Variants in MICAL3 observed in about 807,000 individuals in gnomAD.
The protein encoded by MICAL3 is [F-actin]-monooxygenase MICAL3.
MICAL3 carries 62 observed loss-of-function variants against 207.4 expected under a neutral mutation model. The ratio of observed to expected loss-of-function variants is 0.30; its 90% CI spans 0.24 to 0.37. The LOEUF (loss-of-function observed/expected upper bound fraction) is 0.37, where lower values mean the gene tolerates loss of function less well. Among genes scored for constraint, MICAL3 ranks in the 10% least tolerant of loss-of-function variants. The probability of loss-of-function intolerance (pLI) is 1.00; values close to 1 mark genes in which losing one functional copy is unlikely to be tolerated. For synonymous variants in MICAL3, 1,077 were observed against 1,069.3 expected, an observed-to-expected ratio of 1.01 and a Z score of -0.14; for missense variants, 2,368 against 2,635.6, an observed-to-expected ratio of 0.90 and a Z score of 2.22.
chr22:17,967,493 C>CA (rs745477366), intron 1 of MICAL3, among the ~76,000 whole-genome samples: 1,053 of 101,474 alleles, frequency 0.01, 11 homozygotes, highest in South Asian at 0.014. Context: ...CACACACACA[C>CA]CCACACACAC....
intron 29 of MICAL3, among the ~76,000 whole-genome samples, chr22:17,801,148 C>CTTT (rs978301664): frequency 2.2e-4 from 20 of 91,886 alleles, no homozygotes; most frequent in Non-Finnish European, 2.8e-4. Flanking sequence ...TTTCCTTTTT[C>CTTT]TTTTTTTTTT....
At chr22:17,876,767 G>A (rs1453672046) in intron 16 of MICAL3, 10 of 140,998 alleles carry the variant, frequency 7.1e-5, no homozygotes, top group African/African-American at 2.9e-4. Flanking sequence ...AGGAGGTTAG[G>A]GAAGTTATGG....
At chr22:17,845,859 T>G (rs1473225550) in intron 19 of MICAL3, among the ~76,000 whole-genome samples, 1 of 152,218 alleles carries the variant, frequency 6.6e-6, no homozygotes, top group Non-Finnish European at 1.5e-5. Context: ...CATGAAAGCT[T>G]CTTGGAGCAG....
chr22:17,928,955 T>C (rs1467552245), intron 1 of MICAL3, among the ~76,000 whole-genome samples: 2 of 152,080 alleles, frequency 1.3e-5, no homozygotes, highest in Non-Finnish European at 2.9e-5. Flanking sequence ...CCACCACGCC[T>C]GGCTAATTTT....
At chr22:17,986,551 A>T (rs1463436771) in intron 1 of MICAL3, among the ~76,000 whole-genome samples, 1 of 152,102 alleles carries the variant, frequency 6.6e-6, no homozygotes, top group Admixed American at 6.6e-5. Context: ...ATGACCGAAC[A>T]GTACAGGGTC....
At chr22:17,979,794 C>CA (rs763234960) in intron 1 of MICAL3, among the ~76,000 whole-genome samples, 2,166 of 126,572 alleles carry the variant, frequency 0.017, 42 homozygotes, top group African/African-American at 0.048. Flanking sequence ...CAAAAAAAAA[C>CA]AAAAAAAAAA....
At position 17,967,486 on chromosome 22, in the gene MICAL3, A is replaced by ACACACCCC. The variant is rs1556491355; in HGVS notation, c.-75+56794_-75+56795insGGGGTGTG. 5.4e-3 allele frequency among the ~76,000 whole-genome samples: 791 copies of ACACACCCC among 145,708 alleles called. 5 individuals are homozygous for ACACACCCC. Among genetic ancestry groups the ACACACCCC allele is most frequent in the Non-Finnish European group, 8.5e-3 (558 of 65,496 alleles). On this transcript the variant is annotated intron_variant, in intron 1 of 31. Coordinates refer to ENST00000441493, the MANE Select transcript of MICAL3 (RefSeq NM_015241.3). ...CAAACACACACACACACACACACACACACACACCCACACACACCCACTCAT... is the reference window on the plus strand; with the variant it reads ...CAAACACACACACACACACACACACACACACCCCCACACACCCACACACACCCACTCAT...
At chr22:17,852,191 C>T (rs1049296721) in intron 19 of MICAL3, among the ~76,000 whole-genome samples, 5 of 152,186 alleles carry the variant, frequency 3.3e-5, no homozygotes, top group African/African-American at 1.2e-4. Context: ...AGATGCCTTT[C>T]TTTTAAAGAC....
At chr22:17,859,108 ACT>A (rs1203696597) in intron 19 of MICAL3, among the ~76,000 whole-genome samples, 2 of 152,016 alleles carry the variant, frequency 1.3e-5, no homozygotes, top group Non-Finnish European at 2.9e-5. Flanking sequence ...CACCGCCCAG[ACT>A]CTCAGAACCA....
chr22:17,836,005 G>C (rs1923324200), intron 20 of MICAL3, among the ~76,000 whole-genome samples: 1 of 152,222 alleles, frequency 6.6e-6, no homozygotes, highest in Non-Finnish European at 1.5e-5. Context: ...GAAGGTGCTG[G>C]CTATTCCAGT....
chr22:17,907,667 T>C (rs1275370976), intron 1 of MICAL3, among the ~76,000 whole-genome samples: 1 of 152,022 alleles, frequency 6.6e-6, no homozygotes, highest in East Asian at 1.9e-4. Context: ...CTGGAAGAGA[T>C]CCAGGAGGCC....
intron 20 of MICAL3, chr22:17,834,459 T>G (rs1211623020): frequency 2.3e-6 from 3 of 1,283,492 alleles, no homozygotes; most frequent in East Asian, 1.1e-4. Flanking sequence ...CTCACATCTG[T>G]GATCCCAGCA....
chr22:18,020,974 C>A (rs975146290), intron 1 of MICAL3, among the ~76,000 whole-genome samples: 1 of 149,616 alleles, frequency 6.7e-6, no homozygotes. Context: ...ATAAAATGGC[C>A]CACCAAGTTG....
chr22:17,887,472 T>G (rs773012529), intron 13 of MICAL3, 37 bp from the exon 14 acceptor site: 2 of 1,477,954 alleles, frequency 1.4e-6, no homozygotes, highest in South Asian at 1.2e-5. Flanking sequence ...AGCACAGCCC[T>G]TGAGGGCGCC....
intron 1 of MICAL3, among the ~76,000 whole-genome samples, chr22:17,995,383 C>T (rs563492164): frequency 2.0e-5 from 3 of 151,934 alleles, no homozygotes; most frequent in African/African-American, 4.8e-5. Flanking sequence ...CACTATGTTG[C>T]GCAGGCTGGT....
chr22:17,827,543 C>T, intron 22 of MICAL3, 101 bp downstream of exon 22: 1 of 1,337,214 alleles, frequency 7.5e-7, no homozygotes, highest in Non-Finnish European at 1.0e-6. Context: ...TGTGTGACCT[C>T]ATGGGTGGCT....
intron 1 of MICAL3, among the ~76,000 whole-genome samples, chr22:17,976,666 T>C (rs1302419808): frequency 7.0e-6 from 1 of 141,920 alleles, no homozygotes; most frequent in African/African-American, 2.6e-5. Context: ...CTCGGCTCAC[T>C]ACAAGCTTTA....
At chr22:17,982,292 C>T (rs1055353327) in intron 1 of MICAL3, among the ~76,000 whole-genome samples, 1 of 152,150 alleles carries the variant, frequency 6.6e-6, no homozygotes, top group African/African-American at 2.4e-5. Context: ...TTCCCACAGC[C>T]GGGCACTGGA....
intron 19 of MICAL3, among the ~76,000 whole-genome samples, chr22:17,844,759 G>C (rs1602037720): frequency 6.6e-6 from 1 of 152,182 alleles, no homozygotes; most frequent in Admixed American, 6.5e-5. Flanking sequence ...ACCGAGCTCA[G>C]GGCACAAAAA....
Sources: gnomAD v4.1 joint callset for allele counts (sites outside exome capture counted in the v4.1 genomes callset) on GRCh38, gnomAD v4.1.1 for gene constraint, MANE v1.5 for transcripts, NCBI Gene and HGNC (gene_info 2026-07-23, HGNC 2026-07-21) for gene names.